TAF4: variants seen among roughly 807,000 people sequenced by gnomAD.
TAF4 encodes the protein transcription initiation factor TFIID subunit 4.
Under a neutral mutation model 90.3 loss-of-function variants are expected in TAF4, and 9 were observed. The observed-to-expected ratio is 0.10, with a 90% CI of 0.06 to 0.17. TAF4 has a LOEUF of 0.17. Ranked by LOEUF, TAF4 falls within the 10% of genes least tolerant of loss-of-function variation. The pLI, the probability that TAF4 is intolerant of heterozygous loss-of-function variation, is 1.00. For missense variants in TAF4, 1,351 were observed against 1,370.7 expected (o/e 0.99, Z 0.23); for synonymous variants, 818 against 638.9 (o/e 1.28, Z -4.23).
chr20:62,040,094 GCCATATTCA>G (rs2055955381), intron 1 of TAF4, among the ~76,000 whole-genome samples: 4 of 152,172 alleles, frequency 2.6e-5, no homozygotes, highest in African/African-American at 4.8e-5. Flanking sequence ...ATATTCATTT[GCCATATTCA>G]GCAATCCCAC....
rs987406724 is a variant in TAF4, at chr20:62,017,976, C to T, written c.1361-3269G>A. Among the ~76,000 whole-genome samples, 6 of 150,400 alleles carry T rather than the reference C, an allele frequency of 4.0e-5. No homozygotes were observed. The South Asian group carries it at 1.0e-3, about 26-fold the overall frequency. The stretch of plus-strand genomic sequence containing the variant: ...ACATCACAGAAGTGTAGGGAAACAG[C>T]CATGGGTCACTGTGAAAATGTGCCC... On this transcript the variant is annotated intron_variant, in intron 1 of 14. Transcript: ENST00000252996.
chr20:62,033,289 G>A (rs2055914495), intron 1 of TAF4, among the ~76,000 whole-genome samples: 2 of 152,228 alleles, frequency 1.3e-5, no homozygotes, highest in African/African-American at 4.8e-5. Context: ...CAGAGACCAA[G>A]GCAGAAGAGG....
At chr20:62,001,170 T>C (rs1364664810) in intron 9 of TAF4, among the ~76,000 whole-genome samples, 1 of 152,194 alleles carries the variant, frequency 6.6e-6, no homozygotes, top group Admixed American at 6.5e-5. Flanking sequence ...ACCCGGAACA[T>C]TCTGCACGTG....
chr20:62,002,194 G>T (rs1367179522), intron 9 of TAF4, among the ~76,000 whole-genome samples: 2 of 152,200 alleles, frequency 1.3e-5, no homozygotes, highest in Non-Finnish European at 2.9e-5. Context: ...TCTCACTGAA[G>T]TATCAGCGTC....
At chr20:61,984,490 G>A (rs2055570526) in intron 14 of TAF4, among the ~76,000 whole-genome samples, 1 of 152,234 alleles carries the variant, frequency 6.6e-6, no homozygotes, top group African/African-American at 2.4e-5. Flanking sequence ...GCCCAGATGT[G>A]CACACGAGAG....
rs993134465 is a variant in TAF4, at chr20:62,064,741, G to A, written c.1070C>T (p.Ala357Val). The A allele has an allele frequency of 3.4e-6, 4 of 1,170,938 alleles. No homozygotes were observed. The highest frequency in any genetic ancestry group is 3.6e-5 in the South Asian group (1 of 27,782). The allele number at this position is 1,170,938 out of a possible 1,614,324, so 72.5% of individuals were successfully genotyped here. A position where few individuals can be genotyped will look rare whatever the true frequency, so the allele number is the denominator to read the frequency against. ...GCCGCTGGCCGCCAGGGTCTGCGCC[G>A]CCGGGGGCGCCGCCTGCACCACCCT... Reference protein sequence around the residue: ...PKRVVQAAPPAAQTLAASGPA... With the variant: ...PKRVVQAAPPVAQTLAASGPA... The change falls in exon 1 of 15, where the codon GCG (alanine) becomes GTG (valine). Residue 357 changes from alanine to valine, a missense_variant. By Grantham distance (64) the Ala-to-Val change is moderately conservative. This residue lies in a region of TAF4 where 782 missense variants were observed against 536.6 expected (regional missense o/e 1.46). Transcript: ENST00000252996.
chr20:62,064,795 G>C lies in TAF4; in HGVS notation c.1016C>G (p.Ala339Gly). The change falls in exon 1 of 15, where the codon GCG becomes GGG. Residue 339 changes from alanine (A) to glycine (G), a missense_variant. Physicochemically the swap from Ala to Gly is moderately conservative, Grantham distance 60. Around this residue, in one of 9 missense-constraint regions of TAF4, gnomAD observed 782 missense variants for 536.6 expected, o/e 1.46. Transcript: ENST00000252996. ...GGGCGACTCGGCCTTGACCCCCGGC[G>C]CCGGCGCCGCAGCCGCCGCGCCGGG... is the stretch of plus-strand genomic sequence containing the variant. ...PGPGAAAAAP[A>G]PGVKAESPKR... The C allele has an allele frequency of 9.7e-7, 1 of 1,027,776 alleles. No homozygotes were observed. Among genetic ancestry groups the C allele is most frequent in the African/African-American group, 1.8e-5 (1 of 57,100 alleles). The allele number at this position is 1,027,776 out of a possible 1,614,324, so 63.7% of individuals were successfully genotyped here. A position where few individuals can be genotyped will look rare whatever the true frequency, so the allele number is the denominator to read the frequency against.
In TAF4 at chr20:62,065,674, C is replaced by G; in HGVS notation, c.137G>C (p.Arg46Pro). 3.5e-6 allele frequency: 4 copies of G among 1,150,130 alleles called. No individual in the cohort carries two copies. Among genetic ancestry groups the G allele is most frequent in the Non-Finnish European group, 3.2e-6 (3 of 929,222 alleles). 71.2% of individuals were successfully genotyped at this position (1,150,130 alleles called of 1,614,324 possible). A position where few individuals can be genotyped will look rare whatever the true frequency, so the allele number is the denominator to read the frequency against. The change falls in exon 1 of 15, where the codon CGC (arginine) becomes CCC (proline). Residue 46 changes from arginine to proline, a missense_variant. Arg to Pro is a moderately radical substitution (Grantham distance 103, BLOSUM62 -2). Around this residue, in one of 9 missense-constraint regions of TAF4, gnomAD observed 782 missense variants for 536.6 expected, o/e 1.46. Coordinates refer to ENST00000252996, the MANE Select transcript of TAF4 (RefSeq NM_003185.4). ...GGCCGCGGCCCGCACCTCGGGCGTG[C>G]GCGGCGCGAGGTGGTGGTGGTGGGC... ...SAAHHHHLAP[R>P]TPEVRAAAAG...
chr20:62,021,054 G>A (rs2055840209), intron 1 of TAF4, among the ~76,000 whole-genome samples: 1 of 152,132 alleles, frequency 6.6e-6, no homozygotes, highest in South Asian at 2.1e-4. Context: ...TACGGGGAAG[G>A]AGAGCTCAGC....
chr20:62,037,912 G>C, intron 1 of TAF4: 1 of 207,780 alleles, frequency 4.8e-6, no homozygotes, highest in Non-Finnish European at 1.0e-5. Context: ...CTCTGGATTT[G>C]CACGATTTTG....
intron 1 of TAF4, among the ~76,000 whole-genome samples, chr20:62,055,726 T>C (rs1372593068): frequency 6.6e-6 from 1 of 152,182 alleles, no homozygotes; most frequent in Admixed American, 6.5e-5. Flanking sequence ...CTCAGCCTCC[T>C]GGGAAAGCCT....
At chr20:62,042,556 G>A (rs1282738169) in intron 1 of TAF4, among the ~76,000 whole-genome samples, 2 of 152,226 alleles carry the variant, frequency 1.3e-5, no homozygotes, top group African/African-American at 4.8e-5. Context: ...GTGCTACTGT[G>A]GGGCGGGAGC....
In TAF4 at chr20:62,065,280, G is replaced by T; in HGVS notation, c.531C>A (p.Gly177=). The T allele has an allele frequency of 3.9e-6, 1 of 257,198 alleles. No homozygotes were observed. 15.9% of individuals were successfully genotyped at this position (257,198 alleles called of 1,614,324 possible). ...GGCCAGGGCCGGGGCCGGGGCCGGG[G>T]CCGGGCCCGGGGCCGGGGCCGGCGC... The part of the protein sequence containing the change: ...AARAGPGPGP[G]PGPGPGPGPG... Residue 177 remains glycine (G), a synonymous_variant, in exon 1 of 15, where the codon GGC becomes GGA. Transcript: ENST00000252996.
intron 1 of TAF4, among the ~76,000 whole-genome samples, chr20:62,020,164 T>C (rs1315543566): frequency 7.9e-5 from 12 of 152,190 alleles, no homozygotes; most frequent in Non-Finnish European, 1.6e-4. Context: ...CTCCGGAGCA[T>C]GGCACCAGCC....
intron 5 of TAF4, 148 bp downstream of exon 5, chr20:62,008,904 G>T (rs1015237966): frequency 9.1e-7 from 1 of 1,101,598 alleles, no homozygotes; most frequent in East Asian, 2.6e-5. Flanking sequence ...CCTTCGACAC[G>T]TGTGCACCCC....
At chr20:62,004,328 C>CTTTTTTTTTTTTTTTTTT (rs60437230) in intron 7 of TAF4, among the ~76,000 whole-genome samples, 9 of 117,198 alleles carry the variant, frequency 7.7e-5, no homozygotes, top group East Asian at 2.4e-4. Flanking sequence ...CTTTTCTTTT[C>CTTTTTTTTTTTTTTTTTT]TTTTTTTTTT....
intron 1 of TAF4, among the ~76,000 whole-genome samples, chr20:62,047,801 C>T (rs2056001998): frequency 6.6e-6 from 1 of 152,232 alleles, no homozygotes; most frequent in Non-Finnish European, 1.5e-5. Flanking sequence ...AGGAACACGG[C>T]AGAATACAAA....
intron 3 of TAF4, among the ~76,000 whole-genome samples, chr20:62,011,264 C>G (rs980846766): frequency 5.3e-5 from 8 of 152,106 alleles, no homozygotes; most frequent in Non-Finnish European, 1.0e-4. Flanking sequence ...AAGGACACAC[C>G]AAGCTGCTGC....
At chr20:62,009,272 T>A (rs2296087) in intron 4 of TAF4, 98 bp from the exon 5 acceptor site, 603,874 of 1,205,512 alleles carry the variant, frequency 0.5, 158,280 homozygotes, top group Middle Eastern at 0.6. Flanking sequence ...AAAAGATACA[T>A]ATATTTCTTC....
Sources: allele counts gnomAD v4.1 joint callset (sites outside exome capture counted in the v4.1 genomes callset), GRCh38; gene constraint gnomAD v4.1.1; regional missense constraint gnomAD v4.1.1; transcripts MANE v1.5; gene names NCBI Gene and HGNC (gene_info 2026-07-23, HGNC 2026-07-21).